The following FANCI variants were observed in gnomAD, a reference collection of about 807,000 sequenced individuals.
FANCI encodes Fanconi anemia group I protein.
FANCI carries 156 observed loss-of-function variants against 176.1 expected under a neutral mutation model. The ratio of observed to expected loss-of-function variants is 0.89; its 90% CI spans 0.78 to 1.01. The LOEUF (loss-of-function observed/expected upper bound fraction) is 1.01, where lower values mean the gene tolerates loss of function less well. FANCI is among the 50% of genes least tolerant of loss of function. The pLI, the probability that FANCI is intolerant of heterozygous loss-of-function variation, is 0.00. For missense variants in FANCI, 1,678 were observed against 1,534.1 expected (o/e 1.09, Z -1.57); for synonymous variants, 613 against 541.7 (o/e 1.13, Z -1.83).
chr15:89,292,526 A>G (rs2054106950), intron 20 of FANCI, among the ~76,000 whole-genome samples, 162 bp from the exon 21 acceptor site: 1 of 152,238 alleles, frequency 6.6e-6, no homozygotes, highest in African/African-American at 2.4e-5. Flanking sequence ...CTGCTGTTCA[A>G]TTAATTTTCC....
chr15:89,291,464 G>T lies in FANCI; in HGVS notation c.1891-149G>T, dbSNP rs548967495. On this transcript the variant is annotated intron_variant, in intron 19 of 37. Transcript: ENST00000310775. ...GAGCACAGGATGTGGGTGAGCCAAAGAAATAAAAACTTGGCTGCATTGTTC... is the reference window on the plus strand; with the variant it reads ...GAGCACAGGATGTGGGTGAGCCAAATAAATAAAAACTTGGCTGCATTGTTC... 153 of 672,506 alleles carry T rather than the reference G, an allele frequency of 2.3e-4. No homozygotes were observed. In the South Asian group the frequency reaches 2.4e-3, roughly 11 times the overall value. The allele number at this position is 672,506 out of a possible 1,614,324, so 41.7% of individuals were successfully genotyped here.
chr15:89,293,050 A>G lies in FANCI; in HGVS notation c.2278A>G (p.Ile760Val), dbSNP rs780410177. Residue 760 changes from isoleucine to valine, a missense_variant, in exon 22 of 38, where the codon ATA (isoleucine) becomes GTA (valine). Coordinates refer to ENST00000310775, the MANE Select transcript of FANCI (RefSeq NM_001113378.2). The stretch of plus-strand genomic sequence containing the variant: ...GGTTTTAATAGAATACAATTTCTCC[A>G]TAAGTAGTTTCAGGTAAGGTTTTGC... Reference protein sequence around the residue: ...CEVLIEYNFSISSFSKNRFED... With the variant: ...CEVLIEYNFSVSSFSKNRFED... 2.3e-5 allele frequency: 37 copies of G among 1,613,574 alleles called. No individual in the cohort carries two copies. The highest frequency in any genetic ancestry group is 1.1e-4 in the South Asian group (10 of 91,066).
chr15:89,261,925 G>T, intron 6 of FANCI, 47 bp downstream of exon 6: 18 of 1,550,630 alleles, frequency 1.2e-5, no homozygotes, highest in African/African-American at 4.1e-5. Context: ...ACAAGTGGCG[G>T]AAAAAAAACC....
intron 9 of FANCI, among the ~76,000 whole-genome samples, chr15:89,267,320 C>CAAAAAA (rs35394265): frequency 7.7e-6 from 1 of 130,232 alleles, no homozygotes; most frequent in Admixed American, 7.6e-5. Context: ...ATCCTTGTCT[C>CAAAAAA]AAAAAAAAAA....
intron 20 of FANCI, among the ~76,000 whole-genome samples, 195 bp from the exon 21 acceptor site, chr15:89,292,493 G>T (rs1447566291): frequency 6.6e-6 from 1 of 152,172 alleles, no homozygotes; most frequent in Non-Finnish European, 1.5e-5. Flanking sequence ...CCAATTTTCG[G>T]GGGGAAGCAT....
intron 9 of FANCI, among the ~76,000 whole-genome samples, chr15:89,267,469 C>T (rs1452098507): frequency 1.3e-5 from 2 of 151,208 alleles, no homozygotes; most frequent in Non-Finnish European, 2.9e-5. Context: ...TTTTTGACAA[C>T]TTGGAGGTCA....
At chr15:89,263,604 TTCCCTCCTCAC>T (rs778756492) in intron 7 of FANCI, 144 bp downstream of exon 7, 24 of 836,558 alleles carry the variant, frequency 2.9e-5, no homozygotes, top group Non-Finnish European at 4.5e-5. Context: ...GATTCACAGA[TTCCCTCCTCAC>T]TCCTGCCTCC....
chr15:89,248,743 T>G (rs1196545264), intron 2 of FANCI, among the ~76,000 whole-genome samples: 1 of 152,218 alleles, frequency 6.6e-6, no homozygotes, highest in East Asian at 1.9e-4. Context: ...AGAGTAATGC[T>G]AATATTTCCC....
chr15:89,307,400 C>T (rs1280991038), intron 32 of FANCI, 76 bp from the exon 33 acceptor site: 2 of 1,401,010 alleles, frequency 1.4e-6, no homozygotes, highest in Middle Eastern at 2.0e-4. Context: ...ATGAGTCACA[C>T]TCCATAGGCT....
At chr15:89,287,813 G>A (rs2053879823) in intron 18 of FANCI, among the ~76,000 whole-genome samples, 1 of 151,296 alleles carries the variant, frequency 6.6e-6, no homozygotes, top group Non-Finnish European at 1.5e-5. Flanking sequence ...GGCCCAGTCA[G>A]TGGAACCAGT....
chr15:89,262,466 A>T (rs2052755279), intron 6 of FANCI, among the ~76,000 whole-genome samples: 1 of 152,176 alleles, frequency 6.6e-6, no homozygotes, highest in Non-Finnish European at 1.5e-5. Flanking sequence ...TGACATTTAT[A>T]CCTATTAAAA....
intron 13 of FANCI, 47 bp downstream of exon 13, chr15:89,276,938 C>T (rs753073540): frequency 1.0e-5 from 16 of 1,598,092 alleles, no homozygotes; most frequent in Middle Eastern, 1.7e-4. Flanking sequence ...TTTAAATAAT[C>T]CAAGTAGGGC....
chr15:89,245,527 A>C (rs1248734791), intron 1 of FANCI, among the ~76,000 whole-genome samples: 1 of 151,420 alleles, frequency 6.6e-6, no homozygotes, highest in African/African-American at 2.4e-5. Context: ...ATGTGGATTG[A>C]GCTAAGATCT....
chr15:89,315,394 G>A lies in FANCI; in HGVS notation c.3924+5G>A. 2 of 1,595,052 alleles carry A rather than the reference G, an allele frequency of 1.3e-6. No homozygotes were observed. The highest frequency in any genetic ancestry group is 1.7e-6 in the Non-Finnish European group (2 of 1,162,732). Reference sequence around the variant, plus strand: ...GGTGAAGATGAAAATGAAGAGGTCAGTGCTGGCTTCTGTCTGGAGCCCAGC... The same window carrying A: ...GGTGAAGATGAAAATGAAGAGGTCAATGCTGGCTTCTGTCTGGAGCCCAGC... On this transcript the variant is annotated splice_donor_5th_base_variant and intron_variant, in intron 37 of 37. Coordinates refer to ENST00000310775, the MANE Select transcript of FANCI (RefSeq NM_001113378.2).
In FANCI at chr15:89,274,242, T is replaced by A. The variant is rs1205912489; in HGVS notation, c.1050T>A (p.Leu350=). ...AACTCCTCCAAGGCTCAAAATTTCTTCAGAATCTAGTTCCTCATAGATCTT... is the reference window on the plus strand; with the variant it reads ...AACTCCTCCAAGGCTCAAAATTTCTACAGAATCTAGTTCCTCATAGATCTT... The part of the protein sequence containing the change: ...DLQLLQGSKF[L]QNLVPHRSYV... Residue 350 remains leucine (L), a synonymous_variant, in exon 12 of 38, where the codon CTT becomes CTA. Coordinates refer to ENST00000310775, the MANE Select transcript of FANCI (RefSeq NM_001113378.2). The A allele has an allele frequency of 6.2e-7, 1 of 1,612,342 alleles. No homozygotes were observed. The highest frequency in any genetic ancestry group is 1.1e-5 in the South Asian group (1 of 90,838).
Position 89,305,631 on chromosome 15 carries a change from G to T in FANCI, c.3282G>T (p.Lys1094Asn), listed in dbSNP as rs770979600. ...TACTTGTTCTGAGTCAGGCCGAGAA[G>T]GTTCTAGAAGAAGTGGACTGGCTAA... is the stretch of plus-strand genomic sequence containing the variant. The part of the protein sequence containing the change: ...VCLLVLSQAE[K>N]VLEEVDWLIT... Residue 1094 changes from lysine to asparagine, a missense_variant, in exon 31 of 38, where the codon AAG (lysine) becomes AAT (asparagine). Lys to Asn is a moderately conservative substitution (Grantham distance 94). Transcript: ENST00000310775. 1.9e-6 allele frequency: 3 copies of T among 1,614,194 alleles called. No homozygotes were observed. Among genetic ancestry groups the T allele is most frequent in the Non-Finnish European group, 2.5e-6 (3 of 1,180,034 alleles).
rs2152050616 is a variant in FANCI at position 89,316,569 on chromosome 15, G to A, written c.*110G>A. On this transcript the variant is annotated 3_prime_UTR_variant, in exon 38 of 38. Transcript: ENST00000310775. ...ACACCGATGTTGGCATCTTGGTTCT[G>A]AACCCACTGAATTCAACTGCACCTT... The A allele has an allele frequency of 8.2e-7, 1 of 1,224,306 alleles. No individual in the cohort carries two copies. The highest frequency in any genetic ancestry group is 1.2e-6 in the Non-Finnish European group (1 of 846,102). The allele number at this position is 1,224,306 out of a possible 1,614,324, so 75.8% of individuals were successfully genotyped here. A position where few individuals can be genotyped will look rare whatever the true frequency, so the allele number is the denominator to read the frequency against.
intron 1 of FANCI, among the ~76,000 whole-genome samples, chr15:89,244,450 T>C (rs538085393): frequency 1.3e-5 from 2 of 152,224 alleles, no homozygotes; most frequent in Non-Finnish European, 2.9e-5. Flanking sequence ...GGCGGGGCTC[T>C]GCCATTCTCG....
At chr15:89,277,038 G>T in intron 13 of FANCI, 147 bp downstream of exon 13, 1 of 807,060 alleles carries the variant, frequency 1.2e-6, no homozygotes. Context: ...GGATAATATT[G>T]AAACATTATA....
Sources: gnomAD v4.1 joint callset for allele counts (sites outside exome capture counted in the v4.1 genomes callset) on GRCh38, gnomAD v4.1.1 for gene constraint, MANE v1.5 for transcripts, NCBI Gene and HGNC (gene_info 2026-07-23, HGNC 2026-07-21) for gene names.